The following EXTL3 variants were observed in gnomAD, a reference collection of about 807,000 sequenced individuals.
EXTL3 encodes exostosin like glycosyltransferase 3.
EXTL3 carries 27 observed loss-of-function variants against 69.3 expected under a neutral mutation model. The ratio of observed to expected loss-of-function variants is 0.39; its 90% CI spans 0.29 to 0.54. The LOEUF is 0.54. Among genes scored for constraint, EXTL3 ranks in the 20% least tolerant of loss-of-function variants. EXTL3 has a pLI of 0.69. For missense variants in EXTL3, 1,003 were observed against 1,231.8 expected (o/e 0.81, Z 2.78); for synonymous variants, 511 against 499.4 (o/e 1.02, Z -0.31).
At chr8:28,648,619 C>G (rs1030996431) in intron 1 of EXTL3, among the ~76,000 whole-genome samples, 2 of 152,166 alleles carry the variant, frequency 1.3e-5, no homozygotes, top group Admixed American at 6.6e-5. Flanking sequence ...CAATTTCACT[C>G]TCCTCCCTCC....
chr8:28,720,093 G>A (rs1001946914), intron 3 of EXTL3, among the ~76,000 whole-genome samples: 20 of 152,100 alleles, frequency 1.3e-4, no homozygotes, highest in Non-Finnish European at 1.5e-5. Context: ...ACTCCATCCT[G>A]TAAATATTGT....
intron 4 of EXTL3, among the ~76,000 whole-genome samples, chr8:28,734,125 T>G (rs1431826898): frequency 6.6e-6 from 1 of 152,146 alleles, no homozygotes; most frequent in Non-Finnish European, 1.5e-5. Flanking sequence ...GCCAGGATTG[T>G]CTTTTTATTA....
chr8:28,652,233 A>G (rs1011532246), intron 1 of EXTL3, among the ~76,000 whole-genome samples: 2 of 151,986 alleles, frequency 1.3e-5, no homozygotes, highest in East Asian at 3.8e-4. Context: ...TCATATGGTA[A>G]TTCTATGTTT....
At chr8:28,631,143 C>CTTTTTTT (rs10659135) in intron 1 of EXTL3, among the ~76,000 whole-genome samples, 8 of 144,768 alleles carry the variant, frequency 5.5e-5, no homozygotes, top group Non-Finnish European at 6.1e-5. Context: ...TTAGAGAGGA[C>CTTTTTTT]TTTTTTTTTT....
At chr8:28,704,489 C>A (rs1800878310) in intron 1 of EXTL3, among the ~76,000 whole-genome samples, 1 of 152,144 alleles carries the variant, frequency 6.6e-6, no homozygotes, top group Non-Finnish European at 1.5e-5. Context: ...TTGGTATATT[C>A]CTTCATTTGG....
intron 1 of EXTL3, among the ~76,000 whole-genome samples, chr8:28,647,757 A>G (rs185612953): frequency 4.3e-4 from 65 of 152,232 alleles, no homozygotes; most frequent in African/African-American, 1.4e-3. Context: ...CTTTTATGTT[A>G]AAGTATTTAA....
intron 5 of EXTL3, among the ~76,000 whole-genome samples, chr8:28,738,903 C>G (rs1454657474): frequency 2.0e-5 from 3 of 152,200 alleles, no homozygotes; most frequent in African/African-American, 7.2e-5. Flanking sequence ...GCCTCCTTCT[C>G]TTTGTCTGCA....
intron 1 of EXTL3, among the ~76,000 whole-genome samples, chr8:28,688,091 C>T (rs1156257756): frequency 2.3e-5 from 3 of 131,706 alleles, no homozygotes; most frequent in Non-Finnish European, 3.1e-5. Flanking sequence ...GACGGAGTTT[C>T]GCTTTTGTCA....
In EXTL3 at chr8:28,717,051, TCC is replaced by T; in HGVS notation, c.994_995del (p.Pro332ThrfsTer19). The T allele has an allele frequency of 6.2e-7, 1 of 1,614,188 alleles. No individual in the cohort carries two copies. Among genetic ancestry groups the T allele is most frequent in the Non-Finnish European group, 8.5e-7 (1 of 1,180,038 alleles). On this transcript the variant is annotated frameshift_variant, in exon 3 of 7. Transcript: ENST00000220562. LOFTEE classifies it high-confidence loss of function. This position sits in a 1 kb window ranked among gnomAD's most constrained non-coding sequence, Gnocchi z 8.3. ...ATGTCTGAGCCCAACTTCATGGAAA[TCC>T]CACCACAGGTGCCGGTGAAGCGGAA...
chr8:28,693,145 C>G (rs1360222764), intron 1 of EXTL3, among the ~76,000 whole-genome samples: 1 of 149,504 alleles, frequency 6.7e-6, no homozygotes, highest in African/African-American at 2.5e-5. Flanking sequence ...ATGCAGATAA[C>G]AGATTTTTTT....
intron 5 of EXTL3, chr8:28,741,179 C>G (rs180686200): frequency 6.6e-6 from 1 of 152,182 alleles, no homozygotes; most frequent in African/African-American, 2.4e-5. Flanking sequence ...GGATTATAGG[C>G]GTGAGCCACT....
At position 28,750,245 on chromosome 8, in the gene EXTL3, G is replaced by A. The variant is rs1801975597; in HGVS notation, c.2551-412G>A. 1.3e-5 allele frequency among the ~76,000 whole-genome samples: 2 copies of A among 152,074 alleles called. No homozygotes were observed. The highest frequency in any genetic ancestry group is 4.2e-4 in the South Asian group (2 of 4,816). ...TATTCAAGAATGATAGCCCCTCTTTGACTAGCCCCTCTTTGGGTAGTCTTC... is the reference window on the plus strand; with the variant it reads ...TATTCAAGAATGATAGCCCCTCTTTAACTAGCCCCTCTTTGGGTAGTCTTC... On this transcript the variant is annotated intron_variant, in intron 6 of 6. Transcript: ENST00000220562. This position sits in a 1 kb window ranked among gnomAD's most constrained non-coding sequence, Gnocchi z 5.2.
intron 1 of EXTL3, chr8:28,678,198 G>A (rs62504323): frequency 0.012 from 1,879 of 152,508 alleles, 18 homozygotes; most frequent in Non-Finnish European, 0.02. Flanking sequence ...TGAGTGGTGA[G>A]TGTGCAGTGA....
Position 28,713,449 on chromosome 8 carries a change from T to TTA in EXTL3, c.-569-8_-569-7insTA, listed in dbSNP as rs1554483749. The TTA allele has an allele frequency of 3.0e-6, 2 of 670,946 alleles. No individual in the cohort carries two copies. The highest frequency in any genetic ancestry group is 1.8e-5 in the African/African-American group (1 of 54,768). 41.6% of individuals were successfully genotyped at this position (670,946 alleles called of 1,614,324 possible). ...TATTTTTGTTTTTTGTTTTTTTTTT[T>TTA]AAATCAGGAGAGCAAGCCCTGGAGG... is the stretch of plus-strand genomic sequence containing the variant. On this transcript the variant is annotated splice_polypyrimidine_tract_variant and splice_region_variant and intron_variant, in intron 1 of 6. Coordinates refer to ENST00000220562, the MANE Select transcript of EXTL3 (RefSeq NM_001440.4).
intron 1 of EXTL3, among the ~76,000 whole-genome samples, chr8:28,705,440 G>C (rs1800901333): frequency 6.6e-6 from 1 of 152,012 alleles, no homozygotes; most frequent in Non-Finnish European, 1.5e-5. Context: ...ATTTAAGGCT[G>C]GGCACGGTGG....
intron 1 of EXTL3, among the ~76,000 whole-genome samples, chr8:28,668,128 A>G (rs915661568): frequency 5.3e-5 from 8 of 151,904 alleles, no homozygotes; most frequent in Admixed American, 4.6e-4. Flanking sequence ...TTATTCGGGC[A>G]TGGTGGCATG....
At chr8:28,664,067 A>G (rs184021996) in intron 1 of EXTL3, among the ~76,000 whole-genome samples, 3 of 152,356 alleles carry the variant, frequency 2.0e-5, no homozygotes, top group East Asian at 1.9e-4. Context: ...CGGAATGACT[A>G]TTGGTGAAGA....
chr8:28,712,184 G>T (rs1288334021), intron 1 of EXTL3, among the ~76,000 whole-genome samples: 1 of 152,172 alleles, frequency 6.6e-6, no homozygotes, highest in Non-Finnish European at 1.5e-5. Context: ...AGAAGCCTGG[G>T]GAAGAACATT....
chr8:28,627,399 A>G (rs552844128), intron 1 of EXTL3, among the ~76,000 whole-genome samples: 42 of 151,208 alleles, frequency 2.8e-4, no homozygotes, highest in African/African-American at 9.9e-4. Context: ...GGGCTGAGCT[A>G]GGAGGATCAC....
Sources: allele counts gnomAD v4.1 joint callset (sites outside exome capture counted in the v4.1 genomes callset), GRCh38; gene constraint gnomAD v4.1.1; non-coding constraint Gnocchi (gnomAD v3.1); transcripts MANE v1.5; gene names NCBI Gene and HGNC (gene_info 2026-07-23, HGNC 2026-07-21).